The following ADK variants were observed in gnomAD, a reference collection of about 807,000 sequenced individuals.
ADK encodes adenosine kinase, also known as N6,N6-dimethyladenosine kinase.
Under a neutral mutation model 44.7 loss-of-function variants are expected in ADK, and 24 were observed. The observed-to-expected ratio is 0.54, with a 90% CI of 0.39 to 0.76. The LOEUF (loss-of-function observed/expected upper bound fraction) is 0.76, where lower values mean the gene tolerates loss of function less well. ADK is among the 30% of genes least tolerant of loss of function. The probability of loss-of-function intolerance (pLI) is 0.00; values close to 1 mark genes in which losing one functional copy is unlikely to be tolerated. For missense variants in ADK, 321 were observed against 425.1 expected, an observed-to-expected ratio of 0.76 and a Z score of 2.15; for synonymous variants, 128 against 142.6, an observed-to-expected ratio of 0.90 and a Z score of 0.73.
chr10:74,193,899 T>C (rs1422764026), intron 1 of ADK, among the ~76,000 whole-genome samples: 4 of 152,288 alleles, frequency 2.6e-5, no homozygotes, highest in Non-Finnish European at 5.9e-5. Context: ...CCCTTTGTTG[T>C]CTAGGTGGTT....
intron 9 of ADK, among the ~76,000 whole-genome samples, chr10:74,666,713 G>A (rs574786489): frequency 1.1e-4 from 16 of 152,014 alleles, no homozygotes; most frequent in East Asian, 3.9e-4. Flanking sequence ...GTTGAATAAC[G>A]TCCTTACCTG....
At chr10:74,478,828 A>G (rs1227076212) in intron 6 of ADK, among the ~76,000 whole-genome samples, 1 of 152,134 alleles carries the variant, frequency 6.6e-6, no homozygotes, top group African/African-American at 2.4e-5. Context: ...CTCCATCCTT[A>G]TAAGTACTTT....
chr10:74,248,347 G>T (rs971942277), intron 3 of ADK, among the ~76,000 whole-genome samples: 1 of 151,902 alleles, frequency 6.6e-6, no homozygotes, highest in African/African-American at 2.4e-5. Context: ...GGTTAATTGG[G>T]TTACATGACC....
chr10:74,501,991 G>T (rs1018019624), intron 6 of ADK, among the ~76,000 whole-genome samples: 1 of 152,056 alleles, frequency 6.6e-6, no homozygotes. Flanking sequence ...ATTTTTTAAA[G>T]AAATCAGTTG....
intron 3 of ADK, among the ~76,000 whole-genome samples, chr10:74,303,583 A>ATTTTTTTTTTT (rs1840133518): frequency 3.8e-5 from 1 of 26,466 alleles, no homozygotes; most frequent in Non-Finnish European, 9.3e-5. Context: ...ATTGGTTTTA[A>ATTTTTTTTTTT]TGTTGTTTTT....
chr10:74,469,995 A>G (rs1036889904), intron 6 of ADK, among the ~76,000 whole-genome samples: 1 of 148,482 alleles, frequency 6.7e-6, no homozygotes, highest in African/African-American at 2.5e-5. Flanking sequence ...TTTTAGGCCA[A>G]GTAATATTCC....
chr10:74,460,519 T>A (rs1447861062), intron 6 of ADK, among the ~76,000 whole-genome samples: 1 of 152,226 alleles, frequency 6.6e-6, no homozygotes, highest in African/African-American at 2.4e-5. Flanking sequence ...CTTCATTAAT[T>A]TTTTACAATT....
intron 7 of ADK, chr10:74,528,124 T>C: frequency 1.9e-6 from 2 of 1,077,676 alleles, no homozygotes; most frequent in Middle Eastern, 2.1e-4. Context: ...AGAAGTGTCA[T>C]GATCGAACAA....
At chr10:74,594,670 G>GT (rs1242602165) in intron 8 of ADK, among the ~76,000 whole-genome samples, 1 of 127,496 alleles carries the variant, frequency 7.8e-6, no homozygotes, top group African/African-American at 3.3e-5. Flanking sequence ...ATACAAATAG[G>GT]TAAAAAAAAA....
rs188032276 is a variant in ADK at position 74,699,181 on chromosome 10, C to A, written c.965-9140C>A. Among the ~76,000 whole-genome samples, 463 of 147,590 alleles carry A rather than the reference C, an allele frequency of 3.1e-3. 1 individual carries two copies. The highest frequency in any genetic ancestry group is 6.9e-3 in the Middle Eastern group (2 of 290). ...TTTTTTTTTTTTTAATACCTGCAAG[C>A]CACATTTATCTGCTATAGTGTTTAC... On this transcript the variant is annotated intron_variant, in intron 10 of 10. Transcript: ENST00000539909.
At position 74,559,883 on chromosome 10, in the gene ADK, A is replaced by G. The variant is rs546872167; in HGVS notation, c.727-29399A>G. 3.5e-4 allele frequency among the ~76,000 whole-genome samples: 39 copies of G among 111,312 alleles called. 1 individual carries two copies. The highest frequency in any genetic ancestry group is 2.3e-3 in the South Asian group (8 of 3,500). 73.0% of individuals were successfully genotyped at this position (111,312 alleles called of 152,430 possible). ...GTTTTTTTTTTTCTTTTTCCTTTGT[A>G]TTTGGGAAATAAATCCTTACTTGTA... On this transcript the variant is annotated intron_variant, in intron 7 of 10. Coordinates refer to ENST00000539909, the MANE Select transcript of ADK (RefSeq NM_006721.4).
rs377075440 is a variant in ADK at position 74,199,381 on chromosome 10, G to A, written c.66-1383G>A. Among the ~76,000 whole-genome samples, 69 of 152,212 alleles carry A rather than the reference G, an allele frequency of 4.5e-4. 1 individual carries two copies. In the Middle Eastern group the frequency reaches 0.01, roughly 23 times the overall value. On this transcript the variant is annotated intron_variant, in intron 1 of 10. Transcript: ENST00000539909. ...TGGAATCTCCAGTGTCTTTTGTCCC[G>A]ACATCTTTGTGTCTCTGCGTACCCA...
intron 1 of ADK, among the ~76,000 whole-genome samples, chr10:74,162,007 T>C (rs1250621487): frequency 6.6e-6 from 1 of 152,092 alleles, no homozygotes; most frequent in Non-Finnish European, 1.5e-5. Flanking sequence ...CCTGGCCTCT[T>C]AACCCTTTAA....
intron 6 of ADK, among the ~76,000 whole-genome samples, chr10:74,514,957 T>A (rs1253766046): frequency 6.6e-6 from 1 of 152,138 alleles, no homozygotes; most frequent in Non-Finnish European, 1.5e-5. Flanking sequence ...CCCAAGTAGC[T>A]GGAACTACAG....
intron 4 of ADK, among the ~76,000 whole-genome samples, chr10:74,384,323 A>G (rs1411410321): frequency 6.6e-6 from 1 of 152,170 alleles, no homozygotes; most frequent in Non-Finnish European, 1.5e-5. Context: ...ATTACAATTA[A>G]GTGGAATTAA....
chr10:74,200,118 A>G (rs1392060783), intron 1 of ADK, among the ~76,000 whole-genome samples: 3 of 149,120 alleles, frequency 2.0e-5, no homozygotes, highest in Non-Finnish European at 4.4e-5. Context: ...TCAGCAGTTT[A>G]TAAGTATTAC....
chr10:74,586,368 A>G (rs1269987911), intron 7 of ADK, among the ~76,000 whole-genome samples: 1 of 151,926 alleles, frequency 6.6e-6, no homozygotes, highest in Non-Finnish European at 1.5e-5. Context: ...GCACTAAGAC[A>G]AAAAATTGAG....
At chr10:74,260,709 T>A (rs1201957825) in intron 3 of ADK, among the ~76,000 whole-genome samples, 2 of 152,228 alleles carry the variant, frequency 1.3e-5, no homozygotes, top group Non-Finnish European at 2.9e-5. Flanking sequence ...TTCAGGTAAA[T>A]TTATATTTTA....
chr10:74,628,022 A>T (rs1853277272), intron 9 of ADK, among the ~76,000 whole-genome samples: 1 of 152,192 alleles, frequency 6.6e-6, no homozygotes, highest in Admixed American at 6.5e-5. Context: ...GAGGTGGATC[A>T]TAATGGGGAT....
Sources: allele counts gnomAD v4.1 joint callset (sites outside exome capture counted in the v4.1 genomes callset), GRCh38; gene constraint gnomAD v4.1.1; transcripts MANE v1.5; gene names NCBI Gene and HGNC (gene_info 2026-07-23, HGNC 2026-07-21).